The following COL4A2 variants were observed in gnomAD, a reference collection of about 807,000 sequenced individuals.
COL4A2 encodes the protein collagen alpha-2(IV) chain.
In COL4A2, 99 loss-of-function variants were observed where a neutral mutation model predicts 200.2. The ratio of observed to expected loss-of-function variants is 0.49; its 90% confidence interval spans 0.42 to 0.58. The LOEUF (loss-of-function observed/expected upper bound fraction) is 0.58. COL4A2 is among the 20% of genes least tolerant of loss of function. The pLI, the probability that COL4A2 is intolerant of heterozygous loss-of-function variation, is 0.00. For synonymous variants in COL4A2, 897 were observed against 900.6 expected, an observed-to-expected ratio of 1.00 and a Z score of 0.07; for missense variants, 1,950 against 2,314.1, an observed-to-expected ratio of 0.84 and a Z score of 3.23.
intron 7 of COL4A2, 34 bp downstream of exon 7, chr13:110,428,617 C>A: frequency 7.9e-7 from 1 of 1,264,662 alleles, no homozygotes; most frequent in Non-Finnish European, 1.1e-6. Context: ...GCTCCAGGGA[C>A]GGGCAGACCC....
intron 11 of COL4A2, among the ~76,000 whole-genome samples, chr13:110,432,972 A>G (rs1045075414): frequency 1.3e-5 from 2 of 152,382 alleles, no homozygotes; most frequent in East Asian, 3.9e-4. Context: ...TAAATGTCCA[A>G]GACAAACGAA....
At chr13:110,318,153 T>C (rs1885188824) in intron 3 of COL4A2, among the ~76,000 whole-genome samples, 2 of 152,302 alleles carry the variant, frequency 1.3e-5, no homozygotes, top group Middle Eastern at 3.4e-3. Context: ...TACTGAAAAC[T>C]ATGTCCCAGG....
chr13:110,464,254 G>A (rs1443408713), intron 24 of COL4A2, among the ~76,000 whole-genome samples: 2 of 152,180 alleles, frequency 1.3e-5, no homozygotes, highest in African/African-American at 4.8e-5. Context: ...GGGGGCAGGT[G>A]GTCGGAGCAG....
At chr13:110,443,492 T>A (rs1180678933) in intron 16 of COL4A2, among the ~76,000 whole-genome samples, 1 of 152,160 alleles carries the variant, frequency 6.6e-6, no homozygotes, top group Non-Finnish European at 1.5e-5. Flanking sequence ...AAACATAAAA[T>A]CAACCTTGTA....
intron 10 of COL4A2, 164 bp downstream of exon 10, chr13:110,430,771 C>T (rs754575068): frequency 1.7e-5 from 17 of 977,332 alleles, no homozygotes; most frequent in Non-Finnish European, 2.8e-5. Context: ...TCCTTGCACA[C>T]TTTGCTGCTG....
intron 29 of COL4A2, 141 bp downstream of exon 29, chr13:110,473,291 T>C: frequency 1.4e-6 from 1 of 699,998 alleles, no homozygotes; most frequent in Non-Finnish European, 2.3e-6. Context: ...TCCCATGGCC[T>C]TCCAGCACTC....
intron 3 of COL4A2, among the ~76,000 whole-genome samples, chr13:110,316,086 A>G (rs551779392): frequency 2.6e-5 from 4 of 152,226 alleles, no homozygotes; most frequent in South Asian, 4.2e-4. Context: ...GATTGTTTCA[A>G]CCCCACCCAT....
intron 4 of COL4A2, among the ~76,000 whole-genome samples, chr13:110,390,273 CAGG>C (rs1372144717): frequency 1.3e-5 from 2 of 152,242 alleles, no homozygotes; most frequent in Non-Finnish European, 2.9e-5. Context: ...TGTCCCATCA[CAGG>C]AGGACCAGGG....
At chr13:110,497,758 G>C (rs9559830) in intron 40 of COL4A2, among the ~76,000 whole-genome samples, 2 of 77,960 alleles carry the variant, frequency 2.6e-5, no homozygotes, top group South Asian at 4.5e-4. Flanking sequence ...GAGGATCTGG[G>C]GTCAGTCCAG....
intron 20 of COL4A2, among the ~76,000 whole-genome samples, chr13:110,453,642 C>T (rs754985038): frequency 2.0e-5 from 3 of 152,176 alleles, no homozygotes; most frequent in African/African-American, 2.4e-5. Flanking sequence ...TTAGTAAATC[C>T]GTGGTTTACT....
chr13:110,492,228 G>T, intron 38 of COL4A2, 51 bp downstream of exon 38: 1 of 1,491,360 alleles, frequency 6.7e-7, no homozygotes, highest in Non-Finnish European at 9.1e-7. Flanking sequence ...CGTGGGCTGT[G>T]CAGGAGGCAC....
At chr13:110,459,648 G>C (rs188249696) in intron 22 of COL4A2, 1 of 152,190 alleles carries the variant, frequency 6.6e-6, no homozygotes, top group Non-Finnish European at 1.5e-5. Context: ...TCTGAAATTA[G>C]ATAAGAGTGA....
At chr13:110,470,590 C>G (rs1477304718) in intron 28 of COL4A2, among the ~76,000 whole-genome samples, 2 of 152,174 alleles carry the variant, frequency 1.3e-5, no homozygotes, top group African/African-American at 4.8e-5. Context: ...GAATTCTGAG[C>G]AACCTTCTAG....
chr13:110,347,764 A>G (rs1000180443), intron 3 of COL4A2, among the ~76,000 whole-genome samples: 3 of 152,250 alleles, frequency 2.0e-5, no homozygotes, highest in Non-Finnish European at 2.9e-5. Flanking sequence ...CCAATAGCAC[A>G]CTGTGTGTGG....
intron 3 of COL4A2, among the ~76,000 whole-genome samples, chr13:110,353,644 C>T (rs1488128832): frequency 1.3e-5 from 2 of 152,212 alleles, no homozygotes; most frequent in East Asian, 3.9e-4. Context: ...ACACCCTGCC[C>T]TAATAAGTCA....
intron 27 of COL4A2, among the ~76,000 whole-genome samples, chr13:110,467,410 C>G (rs1021991145): frequency 6.6e-6 from 1 of 152,348 alleles, no homozygotes; most frequent in Non-Finnish European, 1.5e-5. Context: ...GGTTGCACTT[C>G]TATGTATTTT....
At chr13:110,441,844 G>A (rs1339818887) in intron 16 of COL4A2, among the ~76,000 whole-genome samples, 2 of 151,814 alleles carry the variant, frequency 1.3e-5, no homozygotes, top group Non-Finnish European at 2.9e-5. Context: ...AGTTTGGGAG[G>A]CCAAGGTGAG....
At position 110,307,574 on chromosome 13, in the gene COL4A2, C is replaced by T. The variant is rs955746144; in HGVS notation, c.-45+46C>T. 4.2e-5 allele frequency: 15 copies of T among 357,144 alleles called. No individual in the cohort carries two copies. Among genetic ancestry groups the T allele is most frequent in the Non-Finnish European group, 2.5e-5 (5 of 199,310 alleles). The allele number at this position is 357,144 out of a possible 1,614,324, so 22.1% of individuals were successfully genotyped here. A position where few individuals can be genotyped will look rare whatever the true frequency, so the allele number is the denominator to read the frequency against. ...GCGCCCAGACCCTGGCCCGAGAGCA[C>T]CGACTTGGAGCGCCTTGTGCAGGCT... is the stretch of plus-strand genomic sequence containing the variant. On this transcript the variant is annotated intron_variant, in intron 1 of 47. Coordinates refer to ENST00000360467, the MANE Select transcript of COL4A2 (RefSeq NM_001846.4). This position sits in a 1 kb window ranked among gnomAD's most constrained non-coding sequence, Gnocchi z 5.0.
chr13:110,503,229 G>C lies in COL4A2; in HGVS notation c.3986G>C (p.Gly1329Ala). 1 of 1,613,788 alleles carries C rather than the reference G, an allele frequency of 6.2e-7. No individual in the cohort carries two copies. The change falls in exon 42 of 48, where the codon GGG (glycine) becomes GCG (alanine). Residue 1329 changes from glycine (G) to alanine (A), a missense_variant. This residue lies in a region of COL4A2 where 1,385 missense variants were observed against 1,720.5 expected (regional missense o/e 0.80). Coordinates refer to ENST00000360467, the MANE Select transcript of COL4A2 (RefSeq NM_001846.4). The stretch of plus-strand genomic sequence containing the variant: ...ACCCCAGGGACCAAAGGATGGGCCG[G>C]GGACTCCGGGCCCCAGGGCAGGCCT... ...PGTPGTKGWA[G>A]DSGPQGRPGV...
Sources: gnomAD v4.1 joint callset for allele counts (sites outside exome capture counted in the v4.1 genomes callset) on GRCh38, gnomAD v4.1.1 for gene constraint, gnomAD v4.1.1 regional missense constraint, Gnocchi (gnomAD v3.1) non-coding constraint, MANE v1.5 for transcripts, NCBI Gene and HGNC (gene_info 2026-07-23, HGNC 2026-07-21) for gene names.